Variants in ACCSL observed in about 807,000 individuals in gnomAD.
ACCSL encodes probable inactive 1-aminocyclopropane-1-carboxylate synthase-like protein 2.
A neutral mutation model predicts 61.7 loss-of-function variants in ACCSL; 55 were observed. The ratio of observed to expected loss-of-function variants is 0.89; its 90% CI spans 0.72 to 1.12. The LOEUF is 1.12. Among genes scored for constraint, ACCSL ranks in the 50% most tolerant of loss-of-function variants. ACCSL has a pLI of 0.00. For synonymous variants in ACCSL, 258 were observed against 264.3 expected (o/e 0.98, Z 0.23); for missense variants, 632 against 698.0 (o/e 0.91, Z 1.07).
chr11:43,969,812 A>C, the ACCSL span, among the ~76,000 whole-genome samples: 1 of 152,134 alleles, frequency 6.6e-6, no homozygotes, highest in Non-Finnish European at 1.5e-5. Context: ...AACGGGCCAG[A>C]AATAATGTTT....
the ACCSL span, among the ~76,000 whole-genome samples, chr11:43,931,320 T>C: frequency 0.023 from 3,458 of 152,290 alleles, 79 homozygotes; most frequent in East Asian, 0.11. Context: ...CTCCCCTCCA[T>C]GCCCCACCGC....
the ACCSL span, among the ~76,000 whole-genome samples, chr11:44,000,575 A>G: frequency 6.7e-6 from 1 of 150,222 alleles, no homozygotes; most frequent in Admixed American, 6.7e-5. Context: ...ACAAATAAAT[A>G]AATAAAGTAT....
At chr11:43,933,101 C>A in the ACCSL span, 1 of 456,246 alleles carries the variant, frequency 2.2e-6, no homozygotes, top group South Asian at 1.5e-5. Context: ...AGGCAGAAGA[C>A]TCTGCTTCCA....
At chr11:43,961,076 C>T in the ACCSL span, among the ~76,000 whole-genome samples, 9,410 of 152,284 alleles carry the variant, frequency 0.062, 403 homozygotes, top group East Asian at 0.11. Context: ...CCGCCTCGGC[C>T]TTCCAAAGCG....
chr11:44,048,378 TG>T lies in ACCSL; in HGVS notation c.345del (p.Gln116SerfsTer8). On this transcript the variant is annotated frameshift_variant, in exon 1 of 14. Coordinates refer to ENST00000378832, the MANE Select transcript of ACCSL (RefSeq NM_001031854.2). LOFTEE classifies it high-confidence loss of function. ...VRYGQRAQLS[G>X]QPDPVPQLSD... ...GATATGGGCAGAGGGCCCAACTCTCTGGGCAGCCTGATCCAGTTCCCCAACT... is the reference window on the plus strand; with the variant it reads ...GATATGGGCAGAGGGCCCAACTCTCTGGCAGCCTGATCCAGTTCCCCAACT... The T allele has an allele frequency of 4.3e-6, 7 of 1,614,196 alleles. No individual in the cohort carries two copies. Among genetic ancestry groups the T allele is most frequent in the Non-Finnish European group, 5.9e-6 (7 of 1,180,040 alleles).
At chr11:43,965,067 G>A in the ACCSL span, among the ~76,000 whole-genome samples, 2 of 152,278 alleles carry the variant, frequency 1.3e-5, no homozygotes, top group South Asian at 2.1e-4. Flanking sequence ...GCTATTTAAC[G>A]TTGTACTGGA....
chr11:44,051,208 C>A, intron 3 of ACCSL, 127 bp from the exon 4 acceptor site: 2 of 915,102 alleles, frequency 2.2e-6, no homozygotes, highest in Non-Finnish European at 3.6e-6. Context: ...TGGTCTTAGT[C>A]AGTAGCCCTG....
the ACCSL span, among the ~76,000 whole-genome samples, chr11:43,948,244 C>G: frequency 1.3e-5 from 2 of 152,224 alleles, no homozygotes; most frequent in Non-Finnish European, 2.9e-5. Flanking sequence ...GACTTCAGCT[C>G]TCCCTCCTGA....
chr11:44,009,412 A>G, the ACCSL span, among the ~76,000 whole-genome samples: 1 of 152,220 alleles, frequency 6.6e-6, no homozygotes, highest in Admixed American at 6.5e-5. Context: ...GAGTTGGAAG[A>G]GAAATGCCAG....
chr11:44,041,038 G>C, the ACCSL span, among the ~76,000 whole-genome samples: 2 of 152,246 alleles, frequency 1.3e-5, no homozygotes, highest in Admixed American at 6.5e-5. Flanking sequence ...GGACTGTTTT[G>C]AGAATTAAAT....
upstream of ACCSL, among the ~76,000 whole-genome samples, chr11:44,043,186 T>C (rs3094394): frequency 0.06 from 9,193 of 152,206 alleles, 514 homozygotes; most frequent in African/African-American, 0.14. Flanking sequence ...GTATACCGTT[T>C]GAGCTTGGAC....
At chr11:43,989,568 C>T in the ACCSL span, among the ~76,000 whole-genome samples, 1 of 152,244 alleles carries the variant, frequency 6.6e-6, no homozygotes, top group African/African-American at 2.4e-5. Flanking sequence ...CACTCCCAGC[C>T]CTTCCCTTCC....
At chr11:43,943,188 A>G in the ACCSL span, 3 of 1,514,616 alleles carry the variant, frequency 2.0e-6, no homozygotes, top group Non-Finnish European at 2.7e-6. This position sits in a 1 kb window ranked among gnomAD's most constrained non-coding sequence, Gnocchi z 4.8. Flanking sequence ...CGCAGCACGC[A>G]GAGCCTGTCG....
the ACCSL span, among the ~76,000 whole-genome samples, chr11:44,019,944 G>A: frequency 3.2e-4 from 48 of 152,304 alleles, 1 homozygote; most frequent in African/African-American, 1.1e-3. Context: ...TAAGGTAGGG[G>A]TCTAATTCCA....
chr11:44,008,216 G>GA, the ACCSL span, among the ~76,000 whole-genome samples: 1 of 152,194 alleles, frequency 6.6e-6, no homozygotes, highest in Admixed American at 6.5e-5. Flanking sequence ...CAGATGCTCA[G>GA]AGATGGCTTT....
chr11:44,052,576 C>T lies in ACCSL; in HGVS notation c.773-86C>T, dbSNP rs141186309. ...ATCGTGAAACTGACTTTTTTTCTGTCGATAGCTTTGCTAGTTTGGGGAGCC... is the reference window on the plus strand; with the variant it reads ...ATCGTGAAACTGACTTTTTTTCTGTTGATAGCTTTGCTAGTTTGGGGAGCC... On this transcript the variant is annotated intron_variant, in intron 5 of 13. Coordinates refer to ENST00000378832, the MANE Select transcript of ACCSL (RefSeq NM_001031854.2). 6.1e-4 allele frequency: 711 copies of T among 1,159,778 alleles called. 6 individuals are homozygous for T. The African/African-American group carries it at 9.7e-3, about 16-fold the overall frequency. 71.8% of individuals were successfully genotyped at this position (1,159,778 alleles called of 1,614,324 possible).
At chr11:44,031,532 C>G in the ACCSL span, among the ~76,000 whole-genome samples, 1 of 152,034 alleles carries the variant, frequency 6.6e-6, no homozygotes, top group Non-Finnish European at 1.5e-5. Flanking sequence ...ATTAGAAATG[C>G]AATATATTTA....
Position 44,059,869 on chromosome 11 carries a change from G to A in ACCSL, c.1656G>A (p.Glu552=). 2 of 1,613,970 alleles carry A rather than the reference G, an allele frequency of 1.2e-6. No individual in the cohort carries two copies. The highest frequency in any genetic ancestry group is 8.5e-7 in the Non-Finnish European group (1 of 1,179,882). Residue 552 remains glutamate (E), a synonymous_variant, in exon 14 of 14, where the codon GAG becomes GAA. Transcript: ENST00000378832. ...AMRRFCDVLQ[E]QKEALIVKQL... Reference sequence around the variant, plus strand: ...GTCGGTTCTGTGATGTGCTGCAGGAGCAGAAGGAGGCTTTGATAGTGAAGC... The same window carrying A: ...GTCGGTTCTGTGATGTGCTGCAGGAACAGAAGGAGGCTTTGATAGTGAAGC...
chr11:44,051,246 G>T, intron 3 of ACCSL, 89 bp from the exon 4 acceptor site: 1 of 1,344,340 alleles, frequency 7.4e-7, no homozygotes, highest in South Asian at 1.2e-5. Flanking sequence ...GAGTAGAAAA[G>T]GTCCCTGTTA....
Sources: gnomAD v4.1 joint callset for allele counts (sites outside exome capture counted in the v4.1 genomes callset) on GRCh38, gnomAD v4.1.1 for gene constraint, Gnocchi (gnomAD v3.1) non-coding constraint, MANE v1.5 for transcripts, NCBI Gene and HGNC (gene_info 2026-07-23, HGNC 2026-07-21) for gene names.